CNBP: variants seen among roughly 807,000 people sequenced by gnomAD.
CNBP encodes CCHC-type zinc finger nucleic acid binding protein, also known as cellular nucleic acid-binding protein.
A neutral mutation model predicts 21.2 loss-of-function variants in CNBP; 6 were observed. The ratio of observed to expected loss-of-function variants is 0.28; its 90% confidence interval spans 0.16 to 0.56. The LOEUF is 0.56. Among genes scored for constraint, CNBP ranks in the 20% least tolerant of loss-of-function variants. The probability of loss-of-function intolerance (pLI) is 0.93; values close to 1 mark genes in which losing one functional copy is unlikely to be tolerated. For synonymous variants in CNBP, 61 were observed against 74.9 expected, an observed-to-expected ratio of 0.81 and a Z score of 0.96; for missense variants, 112 against 233.1, an observed-to-expected ratio of 0.48 and a Z score of 3.38.
intron 1 of CNBP, among the ~76,000 whole-genome samples, 181 bp from the exon 2 acceptor site, chr3:129,171,952 G>C (rs919006857): frequency 6.6e-6 from 1 of 152,150 alleles, no homozygotes; most frequent in African/African-American, 2.4e-5. Flanking sequence ...GGCCGAGGTG[G>C]GTGGATCATG....
At chr3:129,170,643 C>T in intron 4 of CNBP, 73 bp from the exon 5 acceptor site, 1 of 1,108,346 alleles carries the variant, frequency 9.0e-7, no homozygotes, top group East Asian at 2.3e-5. Flanking sequence ...AGTCACCATG[C>T]AGAACAAAAC....
Position 129,170,420 on chromosome 3 carries a change from A to G in CNBP, c.*33T>C, listed in dbSNP as rs369630926. On this transcript the variant is annotated 3_prime_UTR_variant, in exon 5 of 5. Coordinates refer to ENST00000422453, the MANE Select transcript of CNBP (RefSeq NM_003418.5). ...TTCAGAGAAAATAATACAACCATCA[A>G]TCAGAAAAAGGAGGGGCGACAAAGG... is the stretch of plus-strand genomic sequence containing the variant. 1.2e-5 allele frequency: 18 copies of G among 1,549,190 alleles called. No individual in the cohort carries two copies. In the African/African-American group the frequency reaches 1.6e-4, roughly 14 times the overall value.
rs1937525882 is a variant in CNBP, at chr3:129,169,213, G to C, written c.*1240C>G. Among the ~76,000 whole-genome samples the C allele has an allele frequency of 6.6e-6, 1 of 152,198 alleles. No homozygotes were observed. The highest frequency in any genetic ancestry group is 1.5e-5 in the Non-Finnish European group (1 of 68,018). On this transcript the variant is annotated 3_prime_UTR_variant, in exon 5 of 5. Coordinates refer to ENST00000422453, the MANE Select transcript of CNBP (RefSeq NM_003418.5). ...GGAGGCTGAGGCAGGAGAATTGCTT[G>C]AACCCGGGAGGTGGAGGTTGCAGTG...
At chr3:129,178,624 T>C (rs1157223958) in intron 1 of CNBP, among the ~76,000 whole-genome samples, 5 of 152,244 alleles carry the variant, frequency 3.3e-5, no homozygotes, top group Non-Finnish European at 7.3e-5. Flanking sequence ...GACTCATTCA[T>C]GTTGTTCACT....
intron 1 of CNBP, among the ~76,000 whole-genome samples, chr3:129,179,827 C>T (rs1022042112): frequency 6.6e-6 from 1 of 151,692 alleles, no homozygotes; most frequent in African/African-American, 2.4e-5. Context: ...AGCGAGACTC[C>T]GTCTCCAAAA....
intron 1 of CNBP, among the ~76,000 whole-genome samples, chr3:129,183,476 G>A (rs1047921772): frequency 9.2e-5 from 14 of 152,376 alleles, no homozygotes; most frequent in East Asian, 1.9e-4. Flanking sequence ...GGGCGCACGG[G>A]CGGGCCTCCT....
At chr3:129,172,497 G>A (rs1937592659) in intron 1 of CNBP, among the ~76,000 whole-genome samples, 2 of 152,132 alleles carry the variant, frequency 1.3e-5, no homozygotes, top group Admixed American at 1.3e-4. Flanking sequence ...CAGAAGAATC[G>A]CTTGAACCCG....
chr3:129,180,371 T>C (rs953863688), intron 1 of CNBP, among the ~76,000 whole-genome samples: 14 of 152,230 alleles, frequency 9.2e-5, no homozygotes, highest in Non-Finnish European at 2.1e-4. Flanking sequence ...ATGGCAGAAC[T>C]TAGGAGTCTC....
chr3:129,182,721 G>C (rs554474988), intron 1 of CNBP, among the ~76,000 whole-genome samples: 42 of 152,254 alleles, frequency 2.8e-4, no homozygotes, highest in African/African-American at 9.4e-4. Flanking sequence ...GCTTTTAAAG[G>C]ATCCCAGCAA....
At chr3:129,180,166 T>C (rs1042264812) in intron 1 of CNBP, among the ~76,000 whole-genome samples, 2 of 152,030 alleles carry the variant, frequency 1.3e-5, no homozygotes, top group Non-Finnish European at 2.9e-5. Context: ...TACTACTATA[T>C]ATCTAGTAAC....
rs1037472826 is a variant in CNBP, at chr3:129,169,465, A to G, written c.*988T>C. ...GAAGACATGACTTAAGTACAAAAAGAAAAGTCCAAACTGTCAGCTTTCAGT... is the reference window on the plus strand; with the variant it reads ...GAAGACATGACTTAAGTACAAAAAGGAAAGTCCAAACTGTCAGCTTTCAGT... On this transcript the variant is annotated 3_prime_UTR_variant, in exon 5 of 5. Transcript: ENST00000422453. 6 of 196,806 alleles carry G rather than the reference A, an allele frequency of 3.0e-5. No individual in the cohort carries two copies. Among genetic ancestry groups the G allele is most frequent in the Non-Finnish European group, 3.2e-5 (3 of 94,856 alleles). 12.2% of individuals were successfully genotyped at this position (196,806 alleles called of 1,614,324 possible). A position where few individuals can be genotyped will look rare whatever the true frequency, so the allele number is the denominator to read the frequency against.
chr3:129,170,767 A>C (rs1456022426), intron 4 of CNBP, among the ~76,000 whole-genome samples, 197 bp from the exon 5 acceptor site: 1 of 152,226 alleles, frequency 6.6e-6, no homozygotes, highest in Non-Finnish European at 1.5e-5. Flanking sequence ...TTCTGGTTAC[A>C]TGATAAAAGA....
At chr3:129,179,574 T>A (rs967522584) in intron 1 of CNBP, among the ~76,000 whole-genome samples, 1 of 151,972 alleles carries the variant, frequency 6.6e-6, no homozygotes, top group Non-Finnish European at 1.5e-5. Context: ...AATGACAAAC[T>A]AAACATCTGA....
chr3:129,173,067 C>T (rs1937653516), intron 1 of CNBP, among the ~76,000 whole-genome samples: 1 of 152,154 alleles, frequency 6.6e-6, no homozygotes, highest in Non-Finnish European at 1.5e-5. Flanking sequence ...AGTAGGCCCT[C>T]TATATCCATG....
In CNBP at chr3:129,169,111, T is replaced by TA. The variant is rs957274892; in HGVS notation, c.*1341dup. On this transcript the variant is annotated 3_prime_UTR_variant, in exon 5 of 5. Transcript: ENST00000422453. ...AGCGACACTCTGTCTCAAAAAAAAA[T>TA]AAAAAAATAAAATAAAAATAAAAAT... 1.4e-5 allele frequency among the ~76,000 whole-genome samples: 2 copies of TA among 145,862 alleles called. No individual in the cohort carries two copies. The highest frequency in any genetic ancestry group is 3.0e-5 in the Non-Finnish European group (2 of 66,660).
chr3:129,178,320 G>A (rs1050979281), intron 1 of CNBP, among the ~76,000 whole-genome samples: 7 of 152,130 alleles, frequency 4.6e-5, no homozygotes, highest in African/African-American at 1.7e-4. Context: ...CTTCCTTAAT[G>A]TCAGTACTTG....
rs1368317030 is a variant in CNBP, at chr3:129,168,879, G to A, written c.*1574C>T. On this transcript the variant is annotated 3_prime_UTR_variant, in exon 5 of 5. Transcript: ENST00000422453. ...TGGGAGGCCAAGGCGGGCGGATCAC[G>A]AGGTCAGGAGATTGAGACCATCCTG... Among the ~76,000 whole-genome samples the A allele has an allele frequency of 1.3e-5, 2 of 151,320 alleles. No individual in the cohort carries two copies. Among genetic ancestry groups the A allele is most frequent in the African/African-American group, 2.4e-5 (1 of 41,200 alleles).
At position 129,183,866 on chromosome 3, in the gene CNBP, G is replaced by C. The variant is rs981669499; in HGVS notation, c.-105C>G. Reference sequence around the variant, plus strand: ...AAGGTAGAGGCTGTTTATTTTGAGGGTCCTTGCCTGCGCCACACGCGGGTC... The same window carrying C: ...AAGGTAGAGGCTGTTTATTTTGAGGCTCCTTGCCTGCGCCACACGCGGGTC... On this transcript the variant is annotated 5_prime_UTR_variant, in exon 1 of 5. Transcript: ENST00000422453. 6.5e-6 allele frequency: 1 copy of C among 152,818 alleles called. No homozygotes were observed. The highest frequency in any genetic ancestry group is 2.1e-4 in the South Asian group (1 of 4,840). 9.5% of individuals were successfully genotyped at this position (152,818 alleles called of 1,614,324 possible). A position where few individuals can be genotyped will look rare whatever the true frequency, so the allele number is the denominator to read the frequency against.
intron 1 of CNBP, among the ~76,000 whole-genome samples, chr3:129,177,848 A>AT (rs1456369919): frequency 6.6e-6 from 1 of 152,182 alleles, no homozygotes. Context: ...GCAAGAGAAG[A>AT]AATGACTAAG....
Sources: gnomAD v4.1 joint callset for allele counts (sites outside exome capture counted in the v4.1 genomes callset) on GRCh38, gnomAD v4.1.1 for gene constraint, MANE v1.5 for transcripts, NCBI Gene and HGNC (gene_info 2026-07-23, HGNC 2026-07-21) for gene names.